UROS: variants seen among roughly 807,000 people sequenced by gnomAD.
UROS encodes the protein uroporphyrinogen-III synthase.
A neutral mutation model predicts 33.0 loss-of-function variants in UROS; 18 were observed. The observed-to-expected ratio is 0.55, with a 90% CI of 0.38 to 0.81. UROS has a LOEUF of 0.81. Among genes scored for constraint, UROS ranks in the 30% least tolerant of loss-of-function variants. The probability of loss-of-function intolerance (pLI) is 0.00; values close to 1 mark genes in which losing one functional copy is unlikely to be tolerated. For missense variants in UROS, 293 were observed against 314.9 expected (o/e 0.93, Z 0.53); for synonymous variants, 114 against 121.1 (o/e 0.94, Z 0.38).
In UROS at chr10:125,794,865, C is replaced by T; in HGVS notation, c.660+15G>A. The T allele has an allele frequency of 6.3e-7, 1 of 1,597,516 alleles. No homozygotes were observed. Among genetic ancestry groups the T allele is most frequent in the Middle Eastern group, 1.7e-4 (1 of 6,010 alleles). Reference sequence around the variant, plus strand: ...AAGAATCTGAAAAAGACCAAAAGCTCATTGAATAACTTACCTTAATTTGAT... The same window carrying T: ...AAGAATCTGAAAAAGACCAAAAGCTTATTGAATAACTTACCTTAATTTGAT... On this transcript the variant is annotated intron_variant, in intron 9 of 9. Coordinates refer to ENST00000368797, the MANE Select transcript of UROS (RefSeq NM_000375.3).
intron 9 of UROS, chr10:125,793,672 A>G (rs971642794): frequency 7.9e-5 from 12 of 152,028 alleles, no homozygotes; most frequent in African/African-American, 2.4e-4. Context: ...TCAGCCTCCC[A>G]TGTAGCTGGG....
chr10:125,791,091 C>CAAA (rs146112441), intron 9 of UROS, among the ~76,000 whole-genome samples: 1 of 130,834 alleles, frequency 7.6e-6, no homozygotes. Context: ...GACACCATCT[C>CAAA]AAAAAAAAAA....
intron 9 of UROS, chr10:125,794,320 T>C (rs953762637): frequency 3.0e-6 from 3 of 990,674 alleles, no homozygotes; most frequent in Admixed American, 5.9e-5. Flanking sequence ...TGGCAGTGTC[T>C]GTCCTTGGGC....
At chr10:125,816,409 G>A (rs772772463) in intron 2 of UROS, 28 bp downstream of exon 2, 2 of 1,613,642 alleles carry the variant, frequency 1.2e-6, no homozygotes, top group South Asian at 1.1e-5. Context: ...AAAGGACACT[G>A]TGGGATAAGG....
intron 5 of UROS, among the ~76,000 whole-genome samples, chr10:125,809,387 C>G (rs1218489241): frequency 6.6e-6 from 1 of 152,228 alleles, no homozygotes; most frequent in African/African-American, 2.4e-5. Context: ...ACAAGCCAAC[C>G]ATCTTTGCTT....
Position 125,816,524 on chromosome 10 carries a change from C to A in UROS, c.-25G>T. The A allele has an allele frequency of 6.2e-7, 1 of 1,614,120 alleles. No individual in the cohort carries two copies. The highest frequency in any genetic ancestry group is 8.5e-7 in the Non-Finnish European group (1 of 1,179,998). Reference sequence around the variant, plus strand: ...TTATTGCCTGGCAGTCCTTATAGGGCACTGCGACAGAGCAAGGAAACAGAT... The same window carrying A: ...TTATTGCCTGGCAGTCCTTATAGGGAACTGCGACAGAGCAAGGAAACAGAT... On this transcript the variant is annotated splice_region_variant and 5_prime_UTR_variant, in exon 2 of 10. Transcript: ENST00000368797.
At chr10:125,807,511 T>C (rs763849054) in intron 5 of UROS, 24 bp from the exon 6 acceptor site, 10 of 1,587,288 alleles carry the variant, frequency 6.3e-6, no homozygotes, top group Non-Finnish European at 8.7e-6. Flanking sequence ...AAGAAATGTA[T>C]TTCTTAACAC....
At chr10:125,790,012 A>G (rs532649457) in intron 9 of UROS, among the ~76,000 whole-genome samples, 2 of 152,314 alleles carry the variant, frequency 1.3e-5, no homozygotes, top group East Asian at 3.9e-4. Context: ...ACTCCGCTTC[A>G]TCCTCCCTCC....
At chr10:125,815,481 G>A (rs184070088) in intron 3 of UROS, among the ~76,000 whole-genome samples, 62 of 152,254 alleles carry the variant, frequency 4.1e-4, no homozygotes, top group Admixed American at 8.5e-4. Flanking sequence ...GACTTGACCC[G>A]AATCTGTAAT....
intron 9 of UROS, chr10:125,789,381 G>A (rs1833170229): frequency 1.7e-6 from 2 of 1,171,876 alleles, no homozygotes; most frequent in Admixed American, 3.8e-5. Flanking sequence ...AGGGGAGGAT[G>A]GTGTGGCAGG....
chr10:125,816,575 C>T (rs1853345673), intron 1 of UROS, 50 bp from the exon 2 acceptor site: 5 of 1,586,588 alleles, frequency 3.2e-6, no homozygotes, highest in Non-Finnish European at 3.5e-6. Flanking sequence ...AAGACTCTTC[C>T]TAAGCAATTT....
intron 6 of UROS, chr10:125,802,522 T>C: frequency 1.0e-6 from 1 of 991,830 alleles, no homozygotes; most frequent in Non-Finnish European, 1.2e-6. Context: ...TCCAGAGGGC[T>C]TCTCCACACT....
chr10:125,794,238 T>C, intron 9 of UROS: 10 of 698,368 alleles, frequency 1.4e-5, no homozygotes, highest in Non-Finnish European at 1.8e-5. Flanking sequence ...GGGAGAGCGG[T>C]GCATACTCCC....
chr10:125,823,138 G>A lies in UROS; in HGVS notation c.-136C>T, dbSNP rs539482783. 2.1e-3 allele frequency: 338 copies of A among 163,024 alleles called. 4 individuals carry two copies. In the South Asian group the frequency reaches 0.027, roughly 13 times the overall value. 10.1% of individuals were successfully genotyped at this position (163,024 alleles called of 1,614,324 possible). ...CTGCAGGAGCAATGACAACAGGGGC[G>A]GAAGCCCCCTCCCCACGCAGCCCGA... On this transcript the variant is annotated 5_prime_UTR_variant, in exon 1 of 10. Coordinates refer to ENST00000368797, the MANE Select transcript of UROS (RefSeq NM_000375.3).
At chr10:125,810,220 A>G (rs574800037) in intron 5 of UROS, among the ~76,000 whole-genome samples, 2 of 152,322 alleles carry the variant, frequency 1.3e-5, no homozygotes, top group East Asian at 3.9e-4. Context: ...GATTCAAGCC[A>G]AAAGAAATGG....
At chr10:125,788,350 G>C (rs1322793376), downstream of UROS, among the ~76,000 whole-genome samples, 2 of 152,186 alleles carry the variant, frequency 1.3e-5, no homozygotes, top group Non-Finnish European at 2.9e-5. Flanking sequence ...ACTGTCTAAT[G>C]CTGCAGCTGC....
At chr10:125,801,994 T>G in intron 6 of UROS, 15 of 984,426 alleles carry the variant, frequency 1.5e-5, no homozygotes, top group Non-Finnish European at 1.8e-5. Flanking sequence ...ATTAAAGAGC[T>G]AATTGTCAGC....
chr10:125,803,165 T>C (rs1288134287), intron 6 of UROS: 1 of 958,918 alleles, frequency 1.0e-6, no homozygotes, highest in Non-Finnish European at 1.5e-6. Flanking sequence ...CTCTGTTCCT[T>C]ATGGACAAGT....
chr10:125,785,649 A>C (rs1850614997), downstream of UROS: 1 of 152,272 alleles, frequency 6.6e-6, no homozygotes, highest in Admixed American at 6.5e-5. Context: ...CAAAACTTAC[A>C]ACACTGTCTG....
Sources: gnomAD v4.1 joint callset for allele counts (sites outside exome capture counted in the v4.1 genomes callset) on GRCh38, gnomAD v4.1.1 for gene constraint, MANE v1.5 for transcripts, NCBI Gene and HGNC (gene_info 2026-07-23, HGNC 2026-07-21) for gene names.